Variants in FOXN3 observed in about 807,000 individuals in gnomAD.
FOXN3 encodes the protein forkhead box N3, also known as forkhead box protein N3.
Under a neutral mutation model 38.4 loss-of-function variants are expected in FOXN3, and 7 were observed. The ratio of observed to expected loss-of-function variants is 0.18; its 90% CI spans 0.10 to 0.34. The LOEUF (loss-of-function observed/expected upper bound fraction) is 0.34, where lower values mean the gene tolerates loss of function less well. FOXN3 is among the 10% of genes least tolerant of loss of function. The probability of loss-of-function intolerance (pLI) is 1.00; values close to 1 mark genes in which losing one functional copy is unlikely to be tolerated. For synonymous variants in FOXN3, 230 were observed against 242.2 expected (o/e 0.95, Z 0.47); for missense variants, 456 against 613.4 (o/e 0.74, Z 2.71).
intron 4 of FOXN3, among the ~76,000 whole-genome samples, chr14:89,188,592 G>A (rs1169594067): frequency 6.6e-6 from 1 of 152,208 alleles, no homozygotes; most frequent in Non-Finnish European, 1.5e-5. Context: ...GCCTCTTCTA[G>A]CAGAAGGTCA....
intron 3 of FOXN3, among the ~76,000 whole-genome samples, chr14:89,319,688 C>T (rs1319189571): frequency 1.3e-5 from 2 of 152,066 alleles, no homozygotes; most frequent in Non-Finnish European, 2.9e-5. Flanking sequence ...AAGGAGAGAA[C>T]CCTCAGACTT....
chr14:89,403,671 T>C (rs1291742361), intron 2 of FOXN3, among the ~76,000 whole-genome samples: 3 of 152,248 alleles, frequency 2.0e-5, no homozygotes, highest in Admixed American at 1.3e-4. Context: ...CGATGAAGTA[T>C]CTGGTAGACC....
intron 4 of FOXN3, among the ~76,000 whole-genome samples, chr14:89,199,866 T>C (rs1888191207): frequency 2.6e-5 from 4 of 152,088 alleles, no homozygotes; most frequent in Admixed American, 2.6e-4. Flanking sequence ...ATTGTGCCAC[T>C]GCGCTCAAGC....
At chr14:89,296,128 A>G (rs1000525408) in intron 3 of FOXN3, among the ~76,000 whole-genome samples, 1 of 152,198 alleles carries the variant, frequency 6.6e-6, no homozygotes, top group African/African-American at 2.4e-5. Flanking sequence ...AGATAAATAC[A>G]TGCATATTTT....
At chr14:89,415,406 T>C (rs1004650251) in intron 1 of FOXN3, among the ~76,000 whole-genome samples, 3 of 152,068 alleles carry the variant, frequency 2.0e-5, no homozygotes, top group African/African-American at 7.2e-5. Flanking sequence ...AATATGGTTT[T>C]AGGAGAAAAA....
intron 1 of FOXN3, among the ~76,000 whole-genome samples, chr14:89,561,221 A>G (rs1370521842): frequency 6.6e-6 from 1 of 152,188 alleles, no homozygotes; most frequent in Non-Finnish European, 1.5e-5. Context: ...TTGTTTGTTT[A>G]TTTATTTAGA....
chr14:89,590,072 G>C (rs1895919608), intron 1 of FOXN3, among the ~76,000 whole-genome samples: 1 of 152,114 alleles, frequency 6.6e-6, no homozygotes, highest in Non-Finnish European at 1.5e-5. Context: ...CTAAGAGTTG[G>C]ATATGGCACC....
intron 1 of FOXN3, among the ~76,000 whole-genome samples, chr14:89,464,336 C>T (rs912629536): frequency 1.5e-4 from 23 of 152,144 alleles, no homozygotes; most frequent in Non-Finnish European, 2.1e-4. Context: ...TTGGAGATAG[C>T]CTTCCCCTGA....
intron 4 of FOXN3, among the ~76,000 whole-genome samples, chr14:89,219,248 C>T (rs1884378940): frequency 6.6e-6 from 1 of 152,146 alleles, no homozygotes. Flanking sequence ...AAAAGTGTGG[C>T]ACTTCCCCTT....
At chr14:89,373,999 C>T (rs1890397103) in intron 2 of FOXN3, among the ~76,000 whole-genome samples, 1 of 152,036 alleles carries the variant, frequency 6.6e-6, no homozygotes, top group African/African-American at 2.4e-5. Flanking sequence ...GGGGTGGTGG[C>T]TCATGCCTGT....
intron 1 of FOXN3, among the ~76,000 whole-genome samples, chr14:89,551,526 G>A (rs243213): frequency 0.87 from 132,764 of 152,060 alleles, 58,111 homozygotes; most frequent in African/African-American, 0.9. Flanking sequence ...TCCCTCCAAG[G>A]TACAGAGTTC....
intron 4 of FOXN3, among the ~76,000 whole-genome samples, chr14:89,231,838 G>A (rs899315801): frequency 1.3e-5 from 2 of 152,084 alleles, no homozygotes; most frequent in Non-Finnish European, 2.9e-5. Flanking sequence ...AGGTGGTGGC[G>A]GGGAACACAC....
chr14:89,606,346 T>C (rs1320995012), intron 1 of FOXN3, among the ~76,000 whole-genome samples: 1 of 151,852 alleles, frequency 6.6e-6, no homozygotes, highest in Non-Finnish European at 1.5e-5. Flanking sequence ...ATAATTCTAG[T>C]CTTATACAGA....
chr14:89,324,404 C>A, intron 3 of FOXN3, among the ~76,000 whole-genome samples: 1 of 151,298 alleles, frequency 6.6e-6, no homozygotes, highest in African/African-American at 2.4e-5. Flanking sequence ...GAACCACAGC[C>A]TAAACATACT....
At chr14:89,472,126 G>A (rs1004385397) in intron 1 of FOXN3, among the ~76,000 whole-genome samples, 3 of 152,060 alleles carry the variant, frequency 2.0e-5, no homozygotes, top group Admixed American at 6.6e-5. Flanking sequence ...ATGGTGGCGG[G>A]TGCCTGTAAT....
chr14:89,525,031 AACC>A (rs1357457200), intron 1 of FOXN3, among the ~76,000 whole-genome samples: 2 of 152,118 alleles, frequency 1.3e-5, no homozygotes, highest in African/African-American at 2.4e-5. Flanking sequence ...GTTCCTCTAC[AACC>A]CTTAGGATTA....
intron 2 of FOXN3, among the ~76,000 whole-genome samples, chr14:89,384,323 A>AGAAAT (rs1555422990): frequency 6.6e-6 from 1 of 151,844 alleles, no homozygotes; most frequent in Non-Finnish European, 1.5e-5. Flanking sequence ...TTGCAGATAT[A>AGAAAT]GAAACTAAGC....
intron 1 of FOXN3, among the ~76,000 whole-genome samples, chr14:89,547,069 G>A (rs954080265): frequency 1.4e-4 from 22 of 152,136 alleles, no homozygotes; most frequent in Non-Finnish European, 2.2e-4. Context: ...ACAGGCGAGA[G>A]TCACCACACC....
intron 4 of FOXN3, among the ~76,000 whole-genome samples, chr14:89,257,300 A>G (rs1885654605): frequency 6.6e-6 from 1 of 152,186 alleles, no homozygotes; most frequent in Non-Finnish European, 1.5e-5. Flanking sequence ...CCATTTGTTT[A>G]TTTTCCTTGT....
Sources: allele counts gnomAD v4.1 joint callset (sites outside exome capture counted in the v4.1 genomes callset), GRCh38; gene constraint gnomAD v4.1.1; transcripts MANE v1.5; gene names NCBI Gene and HGNC (gene_info 2026-07-23, HGNC 2026-07-21).